The following JARID2 variants were observed in gnomAD, a reference collection of about 807,000 sequenced individuals.
JARID2 encodes the protein protein Jumonji.
A neutral mutation model predicts 125.6 loss-of-function variants in JARID2; 21 were observed. That is an observed-to-expected ratio of 0.17 (90% CI 0.12 to 0.24). The LOEUF (loss-of-function observed/expected upper bound fraction) is 0.24. Ranked by LOEUF, JARID2 falls within the 10% of genes least tolerant of loss-of-function variation. The pLI is 1.00. For synonymous variants in JARID2, 736 were observed against 661.6 expected (o/e 1.11, Z -1.73); for missense variants, 1,303 against 1,639.6 (o/e 0.79, Z 3.55).
intron 1 of JARID2, among the ~76,000 whole-genome samples, chr6:15,369,564 C>G (rs1016912691): frequency 2.6e-5 from 4 of 152,184 alleles, no homozygotes; most frequent in African/African-American, 9.7e-5. Flanking sequence ...CTGACTGATT[C>G]TACCAAGGGG....
At chr6:15,311,059 A>G (rs1256836737) in intron 1 of JARID2, among the ~76,000 whole-genome samples, 2 of 152,140 alleles carry the variant, frequency 1.3e-5, no homozygotes, top group African/African-American at 2.4e-5. Flanking sequence ...GCACGTTGGC[A>G]GTGAGATAGT....
chr6:15,269,004 C>T (rs1325404104), intron 1 of JARID2, among the ~76,000 whole-genome samples: 5 of 152,154 alleles, frequency 3.3e-5, no homozygotes, highest in Non-Finnish European at 4.4e-5. Flanking sequence ...GCCTGTTTCT[C>T]GTTAGGAAAT....
chr6:15,459,019 G>A (rs1052428512), intron 4 of JARID2, among the ~76,000 whole-genome samples: 1 of 152,212 alleles, frequency 6.6e-6, no homozygotes, highest in African/African-American at 2.4e-5. Flanking sequence ...GATTGAGGCT[G>A]CAGGGAGTTC....
chr6:15,361,574 C>T (rs1434111008), intron 1 of JARID2, among the ~76,000 whole-genome samples: 2 of 152,206 alleles, frequency 1.3e-5, no homozygotes, highest in African/African-American at 4.8e-5. Flanking sequence ...TTTGCTTTCC[C>T]TAGCAGCTTT....
At chr6:15,250,174 T>C (rs1433776227) in intron 1 of JARID2, among the ~76,000 whole-genome samples, 2 of 152,236 alleles carry the variant, frequency 1.3e-5, no homozygotes, top group Non-Finnish European at 2.9e-5. Flanking sequence ...GTTTTAAGTA[T>C]CTAATTTTCT....
chr6:15,492,104 A>G (rs2237123), intron 6 of JARID2, among the ~76,000 whole-genome samples: 80,498 of 152,100 alleles, frequency 0.53, 21,321 homozygotes, highest in Admixed American at 0.57. Context: ...CCTGAGATAC[A>G]GGTGACGGAT....
intron 1 of JARID2, among the ~76,000 whole-genome samples, chr6:15,283,500 C>A (rs965979112): frequency 2.0e-5 from 3 of 146,562 alleles, no homozygotes; most frequent in African/African-American, 7.6e-5. Flanking sequence ...ACCAGCTACG[C>A]CCGGCTAATT....
chr6:15,353,934 C>G (rs1238044868), intron 1 of JARID2, among the ~76,000 whole-genome samples: 1 of 152,120 alleles, frequency 6.6e-6, no homozygotes, highest in African/African-American at 2.4e-5. Flanking sequence ...AAAAATCTGC[C>G]ACTTATGTTC....
chr6:15,320,883 T>TGTGTGTGTGTGTGTGTGTG (rs773153042), intron 1 of JARID2, among the ~76,000 whole-genome samples: 3 of 151,224 alleles, frequency 2.0e-5, no homozygotes, highest in Non-Finnish European at 4.4e-5. Context: ...TGTGTGTGTG[T>TGTGTGTGTGTGTGTGTGTG]TAGTTAAACT....
In JARID2 at chr6:15,507,329, C is replaced by T. The variant is rs77409453; in HGVS notation, c.2661-17C>T. On this transcript the variant is annotated splice_polypyrimidine_tract_variant and intron_variant, in intron 10 of 17. Transcript: ENST00000341776. ...TTCCCCGCCAGTTTGTAACGTCCCT[C>T]GTCTTCCCCTTTGCAGGCATGGATG... 0.043 allele frequency: 69,607 copies of T among 1,612,376 alleles called. 1,834 individuals are homozygous for T. The highest frequency in any genetic ancestry group is 0.092 in the Admixed American group (5,495 of 60,012).
chr6:15,410,960 G>GATAACAGT (rs1765851365), intron 3 of JARID2, among the ~76,000 whole-genome samples: 1 of 152,152 alleles, frequency 6.6e-6, no homozygotes, highest in Non-Finnish European at 1.5e-5. Context: ...ATAACAGTTT[G>GATAACAGT]TGGTTTCATG....
chr6:15,427,135 G>C (rs1766762502), intron 3 of JARID2, among the ~76,000 whole-genome samples: 1 of 152,142 alleles, frequency 6.6e-6, no homozygotes, highest in South Asian at 2.1e-4. Flanking sequence ...ACTTGGGTCT[G>C]TCTCTAGAGA....
intron 7 of JARID2, 42 bp from the exon 8 acceptor site, chr6:15,500,865 C>T (rs748863690): frequency 8.4e-6 from 13 of 1,543,920 alleles, no homozygotes; most frequent in Non-Finnish European, 1.1e-5. Flanking sequence ...GTTCGTGTCT[C>T]TTTCACTAAC....
chr6:15,253,500 T>A (rs906802815), intron 1 of JARID2, among the ~76,000 whole-genome samples: 1 of 152,210 alleles, frequency 6.6e-6, no homozygotes, highest in Non-Finnish European at 1.5e-5. Flanking sequence ...GTGGCTTTTG[T>A]CTTTCTTGCT....
intron 1 of JARID2, among the ~76,000 whole-genome samples, chr6:15,345,187 G>C (rs1481286732): frequency 6.6e-6 from 1 of 152,256 alleles, no homozygotes; most frequent in East Asian, 1.9e-4. Flanking sequence ...TATATATGTA[G>C]ATAAGTTTCT....
chr6:15,330,957 C>G (rs1349531283), intron 1 of JARID2, among the ~76,000 whole-genome samples: 1 of 152,030 alleles, frequency 6.6e-6, no homozygotes, highest in Non-Finnish European at 1.5e-5. Flanking sequence ...TAATTGTTCC[C>G]TAAGATAGTC....
chr6:15,517,028 T>TGGTG, intron 16 of JARID2, 133 bp from the exon 17 acceptor site: 1 of 649,116 alleles, frequency 1.5e-6, no homozygotes, highest in Non-Finnish European at 2.8e-6. Flanking sequence ...TTGGCCCGGG[T>TGGTG]GGTGGGTGCT....
intron 1 of JARID2, among the ~76,000 whole-genome samples, chr6:15,249,748 G>A (rs770952130): frequency 6.6e-6 from 1 of 152,142 alleles, no homozygotes; most frequent in African/African-American, 2.4e-5. Flanking sequence ...TGCGATTGTC[G>A]ATAGTAGGCT....
In JARID2 at chr6:15,517,089, G is replaced by GCTC. The variant is rs1771598135; in HGVS notation, c.3451-69_3451-67dup. On this transcript the variant is annotated intron_variant, in intron 16 of 17. Coordinates refer to ENST00000341776, the MANE Select transcript of JARID2 (RefSeq NM_004973.4). ...GTGTGGTGGCTGCCCGGCCGGGCGT[G>GCTC]CTCCTACCTTACCCTCCCAGGGCGC... 3.0e-5 allele frequency: 34 copies of GCTC among 1,147,066 alleles called. No individual in the cohort carries two copies. The East Asian group carries it at 7.7e-4, about 26-fold the overall frequency. 71.1% of individuals were successfully genotyped at this position (1,147,066 alleles called of 1,614,324 possible).
Sources: gnomAD v4.1 joint callset for allele counts (sites outside exome capture counted in the v4.1 genomes callset) on GRCh38, gnomAD v4.1.1 for gene constraint, MANE v1.5 for transcripts, NCBI Gene and HGNC (gene_info 2026-07-23, HGNC 2026-07-21) for gene names.